The following PCDH15 variants were observed in gnomAD, a reference collection of about 807,000 sequenced individuals.
PCDH15 encodes the protein protocadherin related 15, also known as protocadherin-15.
Under a neutral mutation model 178.5 loss-of-function variants are expected in PCDH15, and 129 were observed. The observed-to-expected ratio is 0.72, with a 90% confidence interval of 0.63 to 0.84. PCDH15 has a LOEUF of 0.84. Ranked by LOEUF, PCDH15 falls within the 40% of genes least tolerant of loss-of-function variation. The pLI is 0.00. For missense variants in PCDH15, 2,230 were observed against 2,099.9 expected (o/e 1.06, Z -1.21); for synonymous variants, 800 against 732.0 (o/e 1.09, Z -1.50).
intron 1 of PCDH15, among the ~76,000 whole-genome samples, chr10:55,205,768 G>A (rs896335262): frequency 6.6e-5 from 10 of 151,788 alleles, no homozygotes; most frequent in South Asian, 4.1e-4. Flanking sequence ...CGTATTAGCC[G>A]TTTTCACGCT....
intron 8 of PCDH15, among the ~76,000 whole-genome samples, chr10:54,245,068 G>A (rs1201223018): frequency 2.0e-5 from 3 of 152,092 alleles, no homozygotes; most frequent in Non-Finnish European, 2.9e-5. Flanking sequence ...AGCAGGGACT[G>A]TGTGAGCACT....
At chr10:54,490,513 A>AT (rs957882465) in intron 3 of PCDH15, among the ~76,000 whole-genome samples, 1 of 151,758 alleles carries the variant, frequency 6.6e-6, no homozygotes, top group Non-Finnish European at 1.5e-5. Flanking sequence ...AAAATAAATA[A>AT]TTTTTTAATA....
At chr10:54,197,128 GAATTGCA>G (rs1022863808) in intron 10 of PCDH15, among the ~76,000 whole-genome samples, 11 of 151,994 alleles carry the variant, frequency 7.2e-5, no homozygotes, top group African/African-American at 2.4e-4. Flanking sequence ...TAGAAACTGT[GAATTGCA>G]ATATTATTTA....
rs566621229 is a variant in PCDH15 at position 54,959,348 on chromosome 10, G to A, written c.-79-61848C>T. ...AGGAAATTACACAGAAGAATGCCAA[G>A]TAATATATGTAGAACAAATGATTGA... On this transcript the variant is annotated intron_variant, in intron 2 of 5. Coordinates refer to the PCDH15 transcript ENST00000458638. Among the ~76,000 whole-genome samples, 5 of 152,022 alleles carry A rather than the reference G, an allele frequency of 3.3e-5. No homozygotes were observed. In the South Asian group the frequency reaches 6.2e-4, roughly 19 times the overall value.
intron 4 of PCDH15, among the ~76,000 whole-genome samples, chr10:54,372,898 T>A (rs1390561732): frequency 6.6e-6 from 1 of 151,854 alleles, no homozygotes. Context: ...GGTTATGATA[T>A]GTGTATCAGG....
intron 6 of PCDH15, among the ~76,000 whole-genome samples, chr10:54,340,877 C>G (rs1942096298): frequency 6.6e-6 from 1 of 152,040 alleles, no homozygotes; most frequent in South Asian, 2.1e-4. Flanking sequence ...TTACTTGAGG[C>G]ATTTTTGCCT....
At chr10:55,062,172 G>T (rs969118086) in intron 2 of PCDH15, among the ~76,000 whole-genome samples, 1 of 152,224 alleles carries the variant, frequency 6.6e-6, no homozygotes, top group South Asian at 2.1e-4. Context: ...TTTGGGAAGT[G>T]ATCAGGTCAT....
At chr10:55,358,049 T>A (rs1845123531) in intron 2 of PCDH15, among the ~76,000 whole-genome samples, 1 of 152,098 alleles carries the variant, frequency 6.6e-6, no homozygotes, top group African/African-American at 2.4e-5. Context: ...AAAGCTATTT[T>A]AATGCTTTGA....
intron 2 of PCDH15, among the ~76,000 whole-genome samples, chr10:54,634,322 A>G (rs1208478816): frequency 6.6e-6 from 1 of 152,104 alleles, no homozygotes; most frequent in Admixed American, 6.6e-5. Flanking sequence ...AATATTTTGC[A>G]TATGTCATTA....
At chr10:53,895,608 T>A (rs2133553134) in intron 26 of PCDH15, among the ~76,000 whole-genome samples, 1 of 152,168 alleles carries the variant, frequency 6.6e-6, no homozygotes, top group East Asian at 1.9e-4. Flanking sequence ...TAATTCAGAG[T>A]TTTTTAAAAT....
chr10:53,995,619 T>G, intron 21 of PCDH15, 30 bp downstream of exon 21: 1 of 1,613,734 alleles, frequency 6.2e-7, no homozygotes, highest in East Asian at 2.2e-5. Context: ...TCAGTACAGT[T>G]CAGAATATTA....
intron 2 of PCDH15, among the ~76,000 whole-genome samples, chr10:55,584,122 A>T (rs1010800987): frequency 6.6e-6 from 1 of 151,782 alleles, no homozygotes; most frequent in Non-Finnish European, 1.5e-5. Context: ...GTGCTCAAAA[A>T]CTTTCCTGCT....
chr10:55,235,815 G>C (rs1025835112), intron 1 of PCDH15, among the ~76,000 whole-genome samples: 6 of 149,466 alleles, frequency 4.0e-5, no homozygotes, highest in Non-Finnish European at 7.4e-5. Context: ...GCTGAGGCAG[G>C]AGAATTGCTT....
At chr10:55,115,157 T>A (rs765529719) in intron 2 of PCDH15, among the ~76,000 whole-genome samples, 3 of 152,206 alleles carry the variant, frequency 2.0e-5, no homozygotes, top group Non-Finnish European at 4.4e-5. Flanking sequence ...TAATTATAAA[T>A]GAATAAAACA....
intron 2 of PCDH15, among the ~76,000 whole-genome samples, chr10:54,541,399 C>T (rs375802100): frequency 6.6e-6 from 1 of 151,958 alleles, no homozygotes; most frequent in Non-Finnish European, 1.5e-5. Context: ...ATATAACCAC[C>T]GATTGTTTAA....
At chr10:54,883,676 A>G (rs1400806471) in intron 3 of PCDH15, among the ~76,000 whole-genome samples, 2 of 151,978 alleles carry the variant, frequency 1.3e-5, no homozygotes, top group Non-Finnish European at 2.9e-5. Context: ...AAACTTCATT[A>G]CACTATAGAA....
chr10:54,206,175 C>G (rs1386995807), intron 10 of PCDH15, among the ~76,000 whole-genome samples: 1 of 152,066 alleles, frequency 6.6e-6, no homozygotes, highest in East Asian at 1.9e-4. Flanking sequence ...CTCTTGTATA[C>G]CTTTCAATGA....
intron 2 of PCDH15, among the ~76,000 whole-genome samples, chr10:54,905,754 G>C (rs1307390956): frequency 6.6e-6 from 1 of 152,072 alleles, no homozygotes; most frequent in Non-Finnish European, 1.5e-5. Flanking sequence ...AAGAACAGGG[G>C]TTGAGATCTC....
intron 3 of PCDH15, among the ~76,000 whole-genome samples, chr10:54,501,251 TTCC>T (rs2080658370): frequency 6.7e-6 from 1 of 149,586 alleles, no homozygotes; most frequent in Non-Finnish European, 1.5e-5. Flanking sequence ...AAAAAAAAGG[TTCC>T]ACAAGGTACA....
Sources: gnomAD v4.1 joint callset for allele counts (sites outside exome capture counted in the v4.1 genomes callset) on GRCh38, gnomAD v4.1.1 for gene constraint, MANE v1.5 for transcripts, NCBI Gene and HGNC (gene_info 2026-07-23, HGNC 2026-07-21) for gene names.